PDE6B: variants seen among roughly 807,000 people sequenced by gnomAD.
PDE6B encodes the protein phosphodiesterase 6B.
A neutral mutation model predicts 109.0 loss-of-function variants in PDE6B; 106 were observed. The observed-to-expected ratio is 0.97, with a 90% CI of 0.83 to 1.14. The LOEUF is 1.14. PDE6B is among the 50% of genes most tolerant of loss of function. PDE6B has a pLI of 0.00. For missense variants in PDE6B, 1,193 were observed against 1,155.6 expected, an observed-to-expected ratio of 1.03 and a Z score of -0.47; for synonymous variants, 490 against 471.3, an observed-to-expected ratio of 1.04 and a Z score of -0.51.
At chr4:655,003 G>A (rs1016662896) in intron 6 of PDE6B, 115 bp downstream of exon 6, 12 of 761,796 alleles carry the variant, frequency 1.6e-5, no homozygotes, top group Non-Finnish European at 2.6e-5. Context: ...AGCAGCACCG[G>A]CCTGGCCTGG....
chr4:661,759 GC>G (rs1737130827), intron 12 of PDE6B: 2 of 329,394 alleles, frequency 6.1e-6, no homozygotes, highest in African/African-American at 2.2e-5. Context: ...CCAGCCTGCA[GC>G]CCACACATTC....
rs780131399 is a variant in PDE6B, at chr4:662,619, G to GTA, written c.1832+2_1832+3dup. On this transcript the variant is annotated splice_donor_variant, in intron 14 of 21. Coordinates refer to ENST00000496514, the MANE Select transcript of PDE6B (RefSeq NM_000283.4). LOFTEE classifies it high-confidence loss of function. This position sits in a 1 kb window ranked among gnomAD's most constrained non-coding sequence, Gnocchi z 4.3. ...GCACCAACAACCTGTACCAGATGAA[G>GTA]TAGGCACCTCAGGGCGGGCATGTGA... 6.3e-7 allele frequency: 1 copy of GTA among 1,576,192 alleles called. No homozygotes were observed. Among genetic ancestry groups the GTA allele is most frequent in the South Asian group, 1.1e-5 (1 of 90,406 alleles).
At chr4:634,572 C>A (rs1734549578) in intron 1 of PDE6B, 105 bp from the exon 2 acceptor site, 1 of 974,060 alleles carries the variant, frequency 1.0e-6, no homozygotes, top group Non-Finnish European at 1.7e-6. Flanking sequence ...GCACCTCACA[C>A]CTGGAGGGCA....
intron 3 of PDE6B, among the ~76,000 whole-genome samples, chr4:644,310 C>A (rs1254061947): frequency 6.6e-6 from 1 of 151,870 alleles, no homozygotes; most frequent in Non-Finnish European, 1.5e-5. Context: ...AGCTATATTT[C>A]TGTTATTGAT....
chr4:625,924 C>T lies in PDE6B; in HGVS notation c.298C>T (p.Arg100Cys), dbSNP rs537263212. ...CTGCAGCCTCTTCATGTACCGCCAGCGCAACGGCGTGGCCGAGCTGGCCAC... is the reference window on the plus strand; with the variant it reads ...CTGCAGCCTCTTCATGTACCGCCAGTGCAACGGCGTGGCCGAGCTGGCCAC... Reference protein sequence around the residue: ...DRCSLFMYRQRNGVAELATRL... With the variant: ...DRCSLFMYRQCNGVAELATRL... The change falls in exon 1 of 22, where the codon CGC becomes TGC. Residue 100 changes from arginine to cysteine, a missense_variant. Transcript: ENST00000496514. This position sits in a 1 kb window ranked among gnomAD's most constrained non-coding sequence, Gnocchi z 5.0. The T allele has an allele frequency of 1.2e-4, 199 of 1,598,496 alleles. 4 individuals carry two copies. The South Asian group carries it at 2.0e-3, about 16-fold the overall frequency.
intron 3 of PDE6B, among the ~76,000 whole-genome samples, chr4:637,615 G>A (rs1443645656): frequency 6.6e-6 from 1 of 152,212 alleles, no homozygotes; most frequent in Non-Finnish European, 1.5e-5. Context: ...GGTTCCTTCT[G>A]TTGGAAAGCA....
chr4:669,163 A>C (rs1577314148), intron 21 of PDE6B, among the ~76,000 whole-genome samples: 2 of 1,396 alleles, frequency 1.4e-3, no homozygotes, highest in Non-Finnish European at 1.4e-3. Flanking sequence ...CCACTACCCC[A>C]CGCTATTCCC....
rs1350776076 is a variant in PDE6B, at chr4:636,334, G to A, written c.711+365G>A. 3.3e-5 allele frequency among the ~76,000 whole-genome samples: 5 copies of A among 152,106 alleles called. No individual in the cohort carries two copies. Among genetic ancestry groups the A allele is most frequent in the Non-Finnish European group, 4.4e-5 (3 of 68,016 alleles). On this transcript the variant is annotated intron_variant, in intron 3 of 21. Transcript: ENST00000496514. The surrounding 1 kb of genome is among the most constrained non-coding windows in gnomAD (Gnocchi z 4.5). ...GGTCCAGCCCTGGTTGAGAGAGGGTGCAGGGGCAGGTCCGGCCCTGACTGA... is the reference window on the plus strand; with the variant it reads ...GGTCCAGCCCTGGTTGAGAGAGGGTACAGGGGCAGGTCCGGCCCTGACTGA...
intron 20 of PDE6B, 83 bp from the exon 21 acceptor site, chr4:667,773 G>C: frequency 2.8e-6 from 4 of 1,423,198 alleles, no homozygotes; most frequent in Admixed American, 1.7e-5. Context: ...TCCCCTACGA[G>C]GGGGATGAGC....
intron 6 of PDE6B, 108 bp from the exon 7 acceptor site, chr4:655,832 C>G: frequency 1.3e-6 from 1 of 781,324 alleles, no homozygotes; most frequent in South Asian, 1.4e-5. Flanking sequence ...CACGTGCAGC[C>G]TAGACCAGCC....
chr4:649,144 A>T (rs1735364132), intron 3 of PDE6B, among the ~76,000 whole-genome samples: 1 of 152,214 alleles, frequency 6.6e-6, no homozygotes, highest in African/African-American at 2.4e-5. Context: ...AGCACGGCCA[A>T]CAGCGACCCA....
rs926518963 is a variant in PDE6B at position 663,654 on chromosome 4, G to C, written c.1921-116G>C. Reference sequence around the variant, plus strand: ...GCGGATTAGGGGTCCCGCCCACCGAGGGCCCGAGGGCGGGGGCGTGAGAGG... The same window carrying C: ...GCGGATTAGGGGTCCCGCCCACCGACGGCCCGAGGGCGGGGGCGTGAGAGG... On this transcript the variant is annotated intron_variant, in intron 15 of 21. Transcript: ENST00000496514. This position sits in a 1 kb window ranked among gnomAD's most constrained non-coding sequence, Gnocchi z 4.0. 46 of 757,386 alleles carry C rather than the reference G, an allele frequency of 6.1e-5. No homozygotes were observed. The East Asian group carries it at 1.2e-3, about 20-fold the overall frequency. 46.9% of individuals were successfully genotyped at this position (757,386 alleles called of 1,614,324 possible). A position where few individuals can be genotyped will look rare whatever the true frequency, so the allele number is the denominator to read the frequency against.
rs182920372 is a variant in PDE6B at position 653,772 on chromosome 4, A to C, written c.712-80A>C. On this transcript the variant is annotated intron_variant, in intron 3 of 21. Transcript: ENST00000496514. ...AGGGAGCGCACCTGTGTCAGGCTTG[A>C]GTTAAACCCCTGCTGCTGTGGTCAG... 1.5e-4 allele frequency: 225 copies of C among 1,495,670 alleles called. No individual in the cohort carries two copies. In the African/African-American group the frequency reaches 2.9e-3, roughly 20 times the overall value. The allele number at this position is 1,495,670 out of a possible 1,614,324, so 92.6% of individuals were successfully genotyped here.
rs1272289606 is a variant in PDE6B at position 670,346 on chromosome 4, G to A, written c.*239G>A. On this transcript the variant is annotated 3_prime_UTR_variant, in exon 22 of 22. Coordinates refer to ENST00000496514, the MANE Select transcript of PDE6B (RefSeq NM_000283.4). ...CAACCTCCACCTCCCAGGTTCAAGCGATTCTCGTGCCTCAGCCTCCTGAGT... is the reference window on the plus strand; with the variant it reads ...CAACCTCCACCTCCCAGGTTCAAGCAATTCTCGTGCCTCAGCCTCCTGAGT... The A allele has an allele frequency of 6.5e-6, 3 of 462,170 alleles. No individual in the cohort carries two copies. The highest frequency in any genetic ancestry group is 4.3e-5 in the South Asian group (2 of 46,264). The allele number at this position is 462,170 out of a possible 1,614,324, so 28.6% of individuals were successfully genotyped here.
At chr4:655,835 G>A in intron 6 of PDE6B, 105 bp from the exon 7 acceptor site, 2 of 785,186 alleles carry the variant, frequency 2.5e-6, no homozygotes, top group East Asian at 4.9e-5. Flanking sequence ...GTGCAGCCTA[G>A]ACCAGCCCCT....
Position 645,422 on chromosome 4 carries a change from A to C in PDE6B, c.712-8430A>C, listed in dbSNP as rs545034012. Reference sequence around the variant, plus strand: ...GCCATTCTCCTGCCTCAGCCTCCCGAGTAGCTGGGACTACAGGCGCCCGCC... The same window carrying C: ...GCCATTCTCCTGCCTCAGCCTCCCGCGTAGCTGGGACTACAGGCGCCCGCC... On this transcript the variant is annotated intron_variant, in intron 3 of 21. Transcript: ENST00000496514. Among the ~76,000 whole-genome samples the C allele has an allele frequency of 7.3e-5, 11 of 150,956 alleles. No individual in the cohort carries two copies. In the East Asian group the frequency reaches 1.8e-3, roughly 24 times the overall value.
intron 4 of PDE6B, 34 bp downstream of exon 4, chr4:654,026 G>T (rs745634100): frequency 6.2e-7 from 1 of 1,613,712 alleles, no homozygotes; most frequent in Non-Finnish European, 8.5e-7. Flanking sequence ...CCCCCTGCCT[G>T]GCCCGACCCA....
chr4:627,528 C>G (rs1577236370), intron 1 of PDE6B, among the ~76,000 whole-genome samples: 1 of 152,222 alleles, frequency 6.6e-6, no homozygotes, highest in East Asian at 1.9e-4. Context: ...GGGTTACCTT[C>G]ATCTCCACCT....
chr4:632,718 C>T (rs909586453), intron 1 of PDE6B, among the ~76,000 whole-genome samples: 18 of 133,284 alleles, frequency 1.4e-4, no homozygotes, highest in Admixed American at 1.3e-3. Flanking sequence ...TGTGTGGGTC[C>T]GTGTGGCACC....
Sources: allele counts gnomAD v4.1 joint callset (sites outside exome capture counted in the v4.1 genomes callset), GRCh38; gene constraint gnomAD v4.1.1; non-coding constraint Gnocchi (gnomAD v3.1); transcripts MANE v1.5; gene names NCBI Gene and HGNC (gene_info 2026-07-23, HGNC 2026-07-21).